TUBB1: variants seen among roughly 807,000 people sequenced by gnomAD.
TUBB1 encodes tubulin beta-1 chain.
Under a neutral mutation model 22.6 loss-of-function variants are expected in TUBB1, and 28 were observed. The observed-to-expected ratio is 1.24, with a 90% CI of 0.92 to 1.70. The LOEUF (loss-of-function observed/expected upper bound fraction) is 1.70, where lower values mean the gene tolerates loss of function less well. Among genes scored for constraint, TUBB1 ranks in the 40% most tolerant of loss-of-function variants. TUBB1 has a pLI of 0.00. For missense variants in TUBB1, 577 were observed against 605.5 expected (o/e 0.95, Z 0.49); for synonymous variants, 226 against 238.0 (o/e 0.95, Z 0.46).
rs371852125 is a variant in TUBB1, at chr20:59,023,863, G to A, written c.436G>A (p.Gly146Arg). ...VHSLGGGTGS[G>R]MGTLLMNKIR... ...CTCCCTGGGCGGGGGCACAGGCTCCGGGATGGGCACTCTGCTCATGAACAA... is the reference window on the plus strand; with the variant it reads ...CTCCCTGGGCGGGGGCACAGGCTCCAGGATGGGCACTCTGCTCATGAACAA... Residue 146 changes from glycine to arginine, a missense_variant, in exon 4 of 4, where the codon GGG becomes AGG. Gly to Arg is a moderately radical substitution (Grantham distance 125, BLOSUM62 -2). Transcript: ENST00000217133. The A allele has an allele frequency of 5.5e-5, 88 of 1,614,006 alleles. No homozygotes were observed. The highest frequency in any genetic ancestry group is 6.7e-5 in the Non-Finnish European group (79 of 1,180,014).
chr20:59,021,235 T>C (rs895331404), intron 1 of TUBB1, among the ~76,000 whole-genome samples: 25 of 152,202 alleles, frequency 1.6e-4, no homozygotes, highest in African/African-American at 5.3e-4. Context: ...TAGGTTTAGA[T>C]AGGGTTTTAG....
chr20:59,018,983 G>C (rs2091956042), upstream of TUBB1, among the ~76,000 whole-genome samples: 1 of 152,182 alleles, frequency 6.6e-6, no homozygotes, highest in Non-Finnish European at 1.5e-5. Flanking sequence ...GCCATCCCGG[G>C]ACCTGGGACC....
chr20:59,020,050 A>AT (rs1375039340), intron 1 of TUBB1, among the ~76,000 whole-genome samples: 6 of 147,412 alleles, frequency 4.1e-5, no homozygotes, highest in Non-Finnish European at 9.0e-5. Context: ...TAATTTTTAA[A>AT]TTTTTTTTTG....
At chr20:59,023,220 G>A (rs777315888) in intron 2 of TUBB1, among the ~76,000 whole-genome samples, 8 of 152,136 alleles carry the variant, frequency 5.3e-5, no homozygotes, top group Non-Finnish European at 1.0e-4. Context: ...ATGAAACCAG[G>A]ATCATTTCCA....
intron 1 of TUBB1, among the ~76,000 whole-genome samples, chr20:59,022,059 G>A (rs1050606466): frequency 3.9e-5 from 6 of 152,138 alleles, no homozygotes; most frequent in South Asian, 2.1e-4. Flanking sequence ...AAGAAAGGCC[G>A]GGTGCTGTGG....
chr20:59,024,319 A>C lies in TUBB1; in HGVS notation c.892A>C (p.Asn298His), dbSNP rs778292834. 2 of 1,613,744 alleles carry C rather than the reference A, an allele frequency of 1.2e-6. No homozygotes were observed. Among genetic ancestry groups the C allele is most frequent in the Non-Finnish European group, 1.7e-6 (2 of 1,179,784 alleles). ...ELTQQMFDAR[N>H]TMAACDLRRG... ...CACCCAGCAGATGTTCGATGCCCGC[A>C]ATACCATGGCTGCCTGTGACCTCCG... The change falls in exon 4 of 4, where the codon AAT (asparagine) becomes CAT (histidine). Residue 298 changes from asparagine (N) to histidine (H), a missense_variant. Transcript: ENST00000217133. The surrounding 1 kb of genome is among the most constrained non-coding windows in gnomAD (Gnocchi z 4.9).
At chr20:59,022,316 C>CAAAAA (rs10590022) in intron 1 of TUBB1, among the ~76,000 whole-genome samples, 1 of 104,392 alleles carries the variant, frequency 9.6e-6, no homozygotes, top group African/African-American at 3.4e-5. Context: ...AAGACTCCAT[C>CAAAAA]AAAAAAAAAA....
chr20:59,019,384 A>G, upstream of TUBB1: 3 of 965,406 alleles, frequency 3.1e-6, no homozygotes, highest in Non-Finnish European at 5.0e-6. Flanking sequence ...CCTTGGTCAC[A>G]TTGTGAGGGT....
At chr20:59,018,939 G>T (rs2146372530), upstream of TUBB1, among the ~76,000 whole-genome samples, 1 of 152,376 alleles carries the variant, frequency 6.6e-6, no homozygotes, top group East Asian at 1.9e-4. Flanking sequence ...GAGAGGGCAT[G>T]TGGGGGAGGG....
intron 2 of TUBB1, 151 bp from the exon 3 acceptor site, chr20:59,023,339 T>G: frequency 1.4e-6 from 1 of 707,816 alleles, no homozygotes; most frequent in Admixed American, 2.2e-5. Context: ...GTAAAAAATA[T>G]GATGTTAGAT....
chr20:59,024,703 C>A lies in TUBB1; in HGVS notation c.1276C>A (p.Gln426Lys). Residue 426 changes from glutamine to lysine, a missense_variant, in exon 4 of 4, where the codon CAA becomes AAA. Coordinates refer to ENST00000217133, the MANE Select transcript of TUBB1 (RefSeq NM_030773.4). The surrounding 1 kb of genome is among the most constrained non-coding windows in gnomAD (Gnocchi z 4.9). ...TTTGGTATCCGAGTACCAACAATTT[C>A]AAGATGCCAAAGCAGTTCTAGAGGA... The part of the protein sequence containing the change: ...HDLVSEYQQF[Q>K]DAKAVLEEDE... The A allele has an allele frequency of 6.2e-7, 1 of 1,614,124 alleles. No individual in the cohort carries two copies. Among genetic ancestry groups the A allele is most frequent in the Non-Finnish European group, 8.5e-7 (1 of 1,180,040 alleles).
chr20:59,021,719 G>A (rs1005742394), intron 1 of TUBB1, among the ~76,000 whole-genome samples: 2 of 152,212 alleles, frequency 1.3e-5, no homozygotes, highest in African/African-American at 2.4e-5. Flanking sequence ...TACTGGCCGG[G>A]CACAGTGGCT....
In TUBB1 at chr20:59,019,556, T is replaced by A. The variant is rs769778251; in HGVS notation, c.34T>A (p.Cys12Ser). ...AATTGTCCATATTCAGATTGGCCAG[T>A]GTGGCAACCAGATCGGAGCCAAGGT... ...REIVHIQIGQ[C>S]GNQIGAKFWE... The change falls in exon 1 of 4, where the codon TGT becomes AGT. Residue 12 changes from cysteine (C) to serine (S), a missense_variant. Cys to Ser is a moderately radical substitution (Grantham distance 112). Transcript: ENST00000217133. 6.2e-7 allele frequency: 1 copy of A among 1,614,102 alleles called. No homozygotes were observed. The highest frequency in any genetic ancestry group is 1.3e-5 in the African/African-American group (1 of 74,940).
In TUBB1 at chr20:59,026,104, C is replaced by G. The variant is rs2091993061; in HGVS notation, c.*1321C>G. 6.6e-6 allele frequency: 1 copy of G among 152,196 alleles called. No homozygotes were observed. The highest frequency in any genetic ancestry group is 1.5e-5 in the Non-Finnish European group (1 of 68,046). The allele number at this position is 152,196 out of a possible 1,614,324, so 9.4% of individuals were successfully genotyped here. ...TACTTGCAGGCAACTGGGTTCTCAT[C>G]TCTTGATTTGCTTTTGTAATCAGCA... On this transcript the variant is annotated 3_prime_UTR_variant, in exon 4 of 4. Coordinates refer to ENST00000217133, the MANE Select transcript of TUBB1 (RefSeq NM_030773.4).
rs2091994869 is a variant in TUBB1, at chr20:59,026,401, C to A, written c.*1618C>A. ...TTGAAGTTAGTAACTTCCTGAGATG[C>A]TAAAGACTTACAGCCTGCGATTATA... On this transcript the variant is annotated 3_prime_UTR_variant, in exon 4 of 4. Transcript: ENST00000217133. The A allele has an allele frequency of 6.6e-6, 1 of 152,166 alleles. No homozygotes were observed. The highest frequency in any genetic ancestry group is 2.4e-5 in the African/African-American group (1 of 41,426). 9.4% of individuals were successfully genotyped at this position (152,166 alleles called of 1,614,324 possible).
chr20:59,019,529 GA>G lies in TUBB1; in HGVS notation c.10del (p.Ile4LeufsTer20). The G allele has an allele frequency of 6.2e-7, 1 of 1,614,216 alleles. No individual in the cohort carries two copies. The highest frequency in any genetic ancestry group is 8.5e-7 in the Non-Finnish European group (1 of 1,180,034). On this transcript the variant is annotated frameshift_variant, in exon 1 of 4. Transcript: ENST00000217133. LOFTEE classifies it high-confidence loss of function. Reference sequence around the variant, plus strand: ...ACTTGGGCTCAGAGCAAGGATGCGTGAAATTGTCCATATTCAGATTGGCCAG... The same window carrying G: ...ACTTGGGCTCAGAGCAAGGATGCGTGAATTGTCCATATTCAGATTGGCCAG... MR[E>X]IVHIQIGQCG...
At chr20:59,023,638 G>A in intron 3 of TUBB1, 38 bp downstream of exon 3, 1 of 1,613,032 alleles carries the variant, frequency 6.2e-7, no homozygotes, top group Non-Finnish European at 8.5e-7. Context: ...GAGGAGGGGG[G>A]GATGCTTTAC....
chr20:59,023,569 A>G lies in TUBB1; in HGVS notation c.246A>G (p.Gly82=), dbSNP rs756748127. The change falls in exon 3 of 4, where the codon GGA becomes GGG. Residue 82 remains glycine, a synonymous_variant. Transcript: ENST00000217133. ...TMDSIRSSKL[G]ALFQPDSFVH... ...ACAGCATTCGATCTAGCAAATTAGG[A>G]GCTCTCTTTCAACCCGACAGTTTTG... 6 of 1,614,168 alleles carry G rather than the reference A, an allele frequency of 3.7e-6. No individual in the cohort carries two copies. Among genetic ancestry groups the G allele is most frequent in the Admixed American group, 1.7e-5 (1 of 60,016 alleles).
At chr20:59,019,710 A>G (rs1383053236) in intron 1 of TUBB1, 131 bp downstream of exon 1, 3 of 964,860 alleles carry the variant, frequency 3.1e-6, no homozygotes, top group East Asian at 5.0e-5. Flanking sequence ...ATATCAGACA[A>G]TGCCTTTGGG....
Sources: gnomAD v4.1 joint callset for allele counts (sites outside exome capture counted in the v4.1 genomes callset) on GRCh38, gnomAD v4.1.1 for gene constraint, Gnocchi (gnomAD v3.1) non-coding constraint, MANE v1.5 for transcripts, NCBI Gene and HGNC (gene_info 2026-07-23, HGNC 2026-07-21) for gene names.